The following GSAP variants were observed in gnomAD, a reference collection of about 807,000 sequenced individuals.
GSAP encodes the protein gamma-secretase-activating protein.
A neutral mutation model predicts 131.7 loss-of-function variants in GSAP; 118 were observed. The observed-to-expected ratio is 0.90, with a 90% CI of 0.77 to 1.04. GSAP has a LOEUF of 1.04. Among genes scored for constraint, GSAP ranks in the 50% least tolerant of loss-of-function variants. The pLI, the probability that GSAP is intolerant of heterozygous loss-of-function variation, is 0.00. For synonymous variants in GSAP, 381 were observed against 363.4 expected, an observed-to-expected ratio of 1.05 and a Z score of -0.55; for missense variants, 1,019 against 1,013.2, an observed-to-expected ratio of 1.01 and a Z score of -0.08.
At chr7:77,313,608 GTTAATA>G (rs1304835234) in intron 27 of GSAP, 59 bp from the exon 28 acceptor site, 39 of 799,196 alleles carry the variant, frequency 4.9e-5, no homozygotes, top group Middle Eastern at 6.5e-4. Flanking sequence ...ACTTTAGCAA[GTTAATA>G]TTAATACTTG....
intron 16 of GSAP, among the ~76,000 whole-genome samples, chr7:77,353,949 A>G (rs557796560): frequency 1.3e-5 from 2 of 152,348 alleles, no homozygotes; most frequent in East Asian, 3.9e-4. Context: ...ACCAGTGGAA[A>G]GAGCCGTGGG....
At chr7:77,359,470 C>A (rs1258959541) in intron 14 of GSAP, among the ~76,000 whole-genome samples, 2 of 152,058 alleles carry the variant, frequency 1.3e-5, no homozygotes, top group Non-Finnish European at 2.9e-5. Context: ...AAAAATTATT[C>A]TTTAATATAT....
intron 3 of GSAP, among the ~76,000 whole-genome samples, chr7:77,402,643 T>G (rs1221663851): frequency 8.0e-6 from 1 of 125,298 alleles, no homozygotes; most frequent in Non-Finnish European, 1.7e-5. Context: ...CTAGATTTGG[T>G]ATACAAATCC....
chr7:77,403,432 G>A (rs191237501), intron 3 of GSAP, among the ~76,000 whole-genome samples: 2 of 152,140 alleles, frequency 1.3e-5, no homozygotes, highest in Non-Finnish European at 1.5e-5. Flanking sequence ...AATGGATAAA[G>A]GACATTTAAG....
chr7:77,368,645 G>T (rs77579468), intron 12 of GSAP, among the ~76,000 whole-genome samples: 4,077 of 152,322 alleles, frequency 0.027, 178 homozygotes, highest in African/African-American at 0.088. Flanking sequence ...AGATTTGGAT[G>T]TGAGTCCTGC....
At chr7:77,391,461 G>A (rs906231599) in intron 5 of GSAP, among the ~76,000 whole-genome samples, 3 of 152,144 alleles carry the variant, frequency 2.0e-5, no homozygotes, top group Non-Finnish European at 2.9e-5. Flanking sequence ...TTTCAGTTCT[G>A]CCATTATCCT....
At chr7:77,413,913 T>C (rs1259298004) in intron 1 of GSAP, among the ~76,000 whole-genome samples, 1 of 152,158 alleles carries the variant, frequency 6.6e-6, no homozygotes. Flanking sequence ...TTTTATGTAG[T>C]TGTTTTGATT....
chr7:77,329,196 A>C, intron 21 of GSAP, 137 bp downstream of exon 21: 1 of 493,466 alleles, frequency 2.0e-6, no homozygotes, highest in Non-Finnish European at 3.6e-6. Flanking sequence ...AAGTGGCTGC[A>C]TTCATGAAGC....
chr7:77,364,420 G>C (rs1286268874), intron 12 of GSAP, among the ~76,000 whole-genome samples: 1 of 149,378 alleles, frequency 6.7e-6, no homozygotes, highest in Non-Finnish European at 1.5e-5. Flanking sequence ...ACTATCACAA[G>C]AACAAAAAAC....
intron 3 of GSAP, 71 bp from the exon 4 acceptor site, chr7:77,397,486 C>A: frequency 1.2e-6 from 1 of 863,640 alleles, no homozygotes. Context: ...ACATAAATTC[C>A]CATTAAGCTC....
intron 25 of GSAP, among the ~76,000 whole-genome samples, 170 bp downstream of exon 25, chr7:77,321,163 G>T (rs924826697): frequency 2.0e-5 from 3 of 152,120 alleles, no homozygotes; most frequent in African/African-American, 7.2e-5. Flanking sequence ...TACATTAAAG[G>T]GTACATATGC....
At chr7:77,331,352 C>A (rs1789130130) in intron 19 of GSAP, among the ~76,000 whole-genome samples, 1 of 152,146 alleles carries the variant, frequency 6.6e-6, no homozygotes, top group Non-Finnish European at 1.5e-5. Flanking sequence ...GATATTCTGA[C>A]ACAACTTGGT....
intron 3 of GSAP, among the ~76,000 whole-genome samples, chr7:77,403,434 A>G (rs1227756364): frequency 6.6e-6 from 1 of 152,216 alleles, no homozygotes; most frequent in African/African-American, 2.4e-5. Context: ...TGGATAAAGG[A>G]CATTTAAGTT....
chr7:77,379,991 T>C (rs1157363632), intron 8 of GSAP: 2 of 712,454 alleles, frequency 2.8e-6, no homozygotes, highest in Non-Finnish European at 3.4e-6. Context: ...AGAGACAATT[T>C]TGATGCAGAC....
intron 6 of GSAP, among the ~76,000 whole-genome samples, chr7:77,384,008 T>C (rs1169553475): frequency 6.6e-6 from 1 of 152,194 alleles, no homozygotes; most frequent in Non-Finnish European, 1.5e-5. Context: ...AATTATAAAA[T>C]AGCAATGCAG....
intron 6 of GSAP, among the ~76,000 whole-genome samples, chr7:77,386,410 T>C (rs779862656): frequency 6.6e-6 from 1 of 152,214 alleles, no homozygotes; most frequent in African/African-American, 2.4e-5. Flanking sequence ...GTGTTCAGGA[T>C]TGTCTTTTGG....
At chr7:77,360,742 A>G (rs949923674) in intron 14 of GSAP, 82 bp downstream of exon 14, 5 of 729,582 alleles carry the variant, frequency 6.9e-6, no homozygotes, top group African/African-American at 5.4e-5. Flanking sequence ...GGCATGAGAA[A>G]TGGGATAGTA....
chr7:77,408,143 G>C (rs1238652018), intron 1 of GSAP, among the ~76,000 whole-genome samples: 2 of 152,178 alleles, frequency 1.3e-5, no homozygotes, highest in Admixed American at 6.5e-5. Flanking sequence ...AGTTGCATAA[G>C]TGTGTTTCAC....
intron 1 of GSAP, among the ~76,000 whole-genome samples, chr7:77,406,489 GAATT>G (rs1369443278): frequency 6.6e-6 from 1 of 152,174 alleles, no homozygotes; most frequent in Non-Finnish European, 1.5e-5. Context: ...AAGGGCATAC[GAATT>G]TGGAATTGTT....
Sources: gnomAD v4.1 joint callset for allele counts (sites outside exome capture counted in the v4.1 genomes callset) on GRCh38, gnomAD v4.1.1 for gene constraint, MANE v1.5 for transcripts, NCBI Gene and HGNC (gene_info 2026-07-23, HGNC 2026-07-21) for gene names.